Variants in PRPF38B observed in about 807,000 individuals in gnomAD.
The protein encoded by PRPF38B is pre-mRNA-splicing factor 38B.
Under a neutral mutation model 67.2 loss-of-function variants are expected in PRPF38B, and 18 were observed. That is an observed-to-expected ratio of 0.27 (90% CI 0.19 to 0.40). The LOEUF is 0.40. Among genes scored for constraint, PRPF38B ranks in the 10% least tolerant of loss-of-function variants. The pLI, the probability that PRPF38B is intolerant of heterozygous loss-of-function variation, is 1.00. For synonymous variants in PRPF38B, 246 were observed against 234.2 expected, an observed-to-expected ratio of 1.05 and a Z score of -0.46; for missense variants, 544 against 684.9, an observed-to-expected ratio of 0.79 and a Z score of 2.30.
In PRPF38B at chr1:108,699,406, C is replaced by T. The variant is rs1660210267; in HGVS notation, c.1027C>T (p.Arg343Cys). The change falls in exon 6 of 6, where the codon CGT (arginine) becomes TGT (cysteine). Residue 343 changes from arginine (R) to cysteine (C), a missense_variant. Arg to Cys is a radical substitution (Grantham distance 180). Transcript: ENST00000370025. The part of the protein sequence containing the change: ...RERHRSRSRS[R>C]DRKGDRRDRD... ...AAGGCATAGAAGTCGCAGTCGAAGTCGTGATAGGAAAGGGGATAGAAGGGA... is the reference window on the plus strand; with the variant it reads ...AAGGCATAGAAGTCGCAGTCGAAGTTGTGATAGGAAAGGGGATAGAAGGGA... The T allele has an allele frequency of 1.9e-6, 3 of 1,613,302 alleles. No individual in the cohort carries two copies. The highest frequency in any genetic ancestry group is 2.2e-5 in the East Asian group (1 of 44,842).
Position 108,699,520 on chromosome 1 carries a change from G to C in PRPF38B, c.1141G>C (p.Glu381Gln). The change falls in exon 6 of 6, where the codon GAG (glutamate) becomes CAG (glutamine). Residue 381 changes from glutamate to glutamine, a missense_variant. Physicochemically the swap from Glu to Gln is conservative, Grantham distance 29. Coordinates refer to ENST00000370025, the MANE Select transcript of PRPF38B (RefSeq NM_018061.4). The stretch of plus-strand genomic sequence containing the variant: ...GGAAAGAGGAAATGAACGAGAAAAA[G>C]AGAGAGAGCGATCAAGAGAAAGGTC... ...DKERGNEREK[E>Q]RERSRERSKE... The C allele has an allele frequency of 3.2e-6, 5 of 1,562,330 alleles. No individual in the cohort carries two copies. The highest frequency in any genetic ancestry group is 4.3e-6 in the Non-Finnish European group (5 of 1,153,122).
intron 4 of PRPF38B, chr1:108,696,557 A>C (rs968439819): frequency 1.6e-5 from 10 of 608,650 alleles, no homozygotes; most frequent in Admixed American, 3.2e-5. Context: ...AAATTGTTTA[A>C]ATGTGTTTGG....
At chr1:108,695,523 C>T (rs6703128) in intron 1 of PRPF38B, among the ~76,000 whole-genome samples, 179 bp from the exon 2 acceptor site, 37,613 of 152,052 alleles carry the variant, frequency 0.25, 6,820 homozygotes, top group African/African-American at 0.51. Flanking sequence ...TGGGTGCTGT[C>T]TAAATGTCTA....
In PRPF38B at chr1:108,692,324, G is replaced by A. The variant is rs1025333529; in HGVS notation, c.-268G>A. On this transcript the variant is annotated 5_prime_UTR_variant, in exon 1 of 6. Coordinates refer to ENST00000370025, the MANE Select transcript of PRPF38B (RefSeq NM_018061.4). ...CCGGGCCCGCCATCTTGTTCCCAGGGGCAGTTGGCGGAAGAGATCGAGCTC... is the reference window on the plus strand; with the variant it reads ...CCGGGCCCGCCATCTTGTTCCCAGGAGCAGTTGGCGGAAGAGATCGAGCTC... 2.1e-5 allele frequency: 11 copies of A among 513,784 alleles called. No homozygotes were observed. The highest frequency in any genetic ancestry group is 2.0e-4 in the African/African-American group (10 of 51,092). 31.8% of individuals were successfully genotyped at this position (513,784 alleles called of 1,614,324 possible).
In PRPF38B at chr1:108,692,532, C is replaced by T; in HGVS notation, c.-60C>T. 1.4e-6 allele frequency: 2 copies of T among 1,476,706 alleles called. No individual in the cohort carries two copies. Among genetic ancestry groups the T allele is most frequent in the Non-Finnish European group, 1.8e-6 (2 of 1,114,190 alleles). 91.5% of individuals were successfully genotyped at this position (1,476,706 alleles called of 1,614,324 possible). On this transcript the variant is annotated 5_prime_UTR_variant, in exon 1 of 6. Coordinates refer to ENST00000370025, the MANE Select transcript of PRPF38B (RefSeq NM_018061.4). ...GGTCCCAGACCGTTGTCCCGAAGAGCGAGATCGAGCTTGGCCCCCTCCCCC... is the reference window on the plus strand; with the variant it reads ...GGTCCCAGACCGTTGTCCCGAAGAGTGAGATCGAGCTTGGCCCCCTCCCCC...
intron 1 of PRPF38B, chr1:108,693,467 C>G (rs1432728546): frequency 3.3e-6 from 1 of 303,152 alleles, no homozygotes; most frequent in Non-Finnish European, 4.9e-6. Flanking sequence ...GTGCATTGGG[C>G]TAATTTAGAA....
At position 108,698,594 on chromosome 1, in the gene PRPF38B, G is replaced by A; in HGVS notation, c.559-10G>A. On this transcript the variant is annotated splice_polypyrimidine_tract_variant and intron_variant, in intron 4 of 5. Coordinates refer to ENST00000370025, the MANE Select transcript of PRPF38B (RefSeq NM_018061.4). Reference sequence around the variant, plus strand: ...TTTTGACGGCTAGGGTATCTTTTGTGTTTCTGTAGGACCTAGATGTGAAGG... The same window carrying A: ...TTTTGACGGCTAGGGTATCTTTTGTATTTCTGTAGGACCTAGATGTGAAGG... 1 of 1,572,466 alleles carries A rather than the reference G, an allele frequency of 6.4e-7. No homozygotes were observed.
chr1:108,693,106 A>G (rs541232123), intron 1 of PRPF38B, among the ~76,000 whole-genome samples: 3 of 152,214 alleles, frequency 2.0e-5, no homozygotes, highest in African/African-American at 4.8e-5. Flanking sequence ...TCCTCCCCCA[A>G]CCTCCTGCCC....
rs764129676 is a variant in PRPF38B at position 108,700,015 on chromosome 1, G to C, written c.1636G>C (p.Val546Leu). The change falls in exon 6 of 6, where the codon GTG becomes CTG. Residue 546 changes from valine (V) to leucine (L), a missense_variant. Coordinates refer to ENST00000370025, the MANE Select transcript of PRPF38B (RefSeq NM_018061.4). ...ACAGCATAAAAACAAAGATGAGACT[G>C]TGTGAAAATATTTTGTAAAAGTGGA... ...EKQHKNKDET[V>L] is the part of the protein sequence containing the mutation. 9.5e-6 allele frequency: 15 copies of C among 1,575,566 alleles called. No individual in the cohort carries two copies. In the East Asian group the frequency reaches 2.2e-4, roughly 24 times the overall value.
At position 108,702,792 on chromosome 1, in the gene PRPF38B, AATTTTT is replaced by A. The variant is rs1250259985; in HGVS notation, c.*2774_*2779del. On this transcript the variant is annotated 3_prime_UTR_variant, in exon 6 of 6. Transcript: ENST00000370025. ...CTGAACTTAAAGTATAATTTAAAAA[AATTTTT>A]AATACAGCTTAATAAGCATCCTCCA... Among the ~76,000 whole-genome samples the A allele has an allele frequency of 2.0e-5, 3 of 152,172 alleles. No individual in the cohort carries two copies. In the South Asian group the frequency reaches 6.2e-4, roughly 31 times the overall value.
rs1660499041 is a variant in PRPF38B, at chr1:108,701,523, T to C, written c.*1503T>C. 1 of 152,220 alleles carries C rather than the reference T, an allele frequency of 6.6e-6. No homozygotes were observed. Among genetic ancestry groups the C allele is most frequent in the Admixed American group, 6.5e-5 (1 of 15,284 alleles). 9.4% of individuals were successfully genotyped at this position (152,220 alleles called of 1,614,324 possible). A position where few individuals can be genotyped will look rare whatever the true frequency, so the allele number is the denominator to read the frequency against. ...TTGGACTTGAAATTCTTTAAGATAA[T>C]TCACCCAATTCTTTTTAGAAAAGAA... On this transcript the variant is annotated 3_prime_UTR_variant, in exon 6 of 6. Coordinates refer to ENST00000370025, the MANE Select transcript of PRPF38B (RefSeq NM_018061.4).
chr1:108,693,718 G>A, intron 1 of PRPF38B: 3 of 859,236 alleles, frequency 3.5e-6, no homozygotes, highest in Non-Finnish European at 4.2e-6. Flanking sequence ...AGATTTTTGT[G>A]GGTTTTTTTG....
intron 4 of PRPF38B, chr1:108,697,905 T>A (rs1434517645): frequency 6.6e-6 from 1 of 152,198 alleles, no homozygotes; most frequent in Non-Finnish European, 1.5e-5. Context: ...GTTTTCCTGT[T>A]TAGATAACAA....
At chr1:108,693,038 C>T (rs1659482183) in intron 1 of PRPF38B, among the ~76,000 whole-genome samples, 171 bp downstream of exon 1, 1 of 152,098 alleles carries the variant, frequency 6.6e-6, no homozygotes, top group African/African-American at 2.4e-5. Context: ...CTGGGGCCGC[C>T]CTCTCGTTTC....
At chr1:108,695,821 T>C in intron 2 of PRPF38B, 51 bp downstream of exon 2, 3 of 1,576,980 alleles carry the variant, frequency 1.9e-6, no homozygotes. Flanking sequence ...AATAACTAAG[T>C]TTATATTTAG....
At chr1:108,693,681 T>C in intron 1 of PRPF38B, 31 of 940,314 alleles carry the variant, frequency 3.3e-5, no homozygotes, top group Non-Finnish European at 3.9e-5. Flanking sequence ...CATAAATGCA[T>C]TTCCCTGGTT....
At chr1:108,696,987 G>T (rs1365189600) in intron 4 of PRPF38B, 4 of 526,882 alleles carry the variant, frequency 7.6e-6, no homozygotes. Context: ...AATCGTGTAT[G>T]CATTGGCTGG....
In PRPF38B at chr1:108,692,341, A is replaced by C. The variant is rs1659368799; in HGVS notation, c.-251A>C. 1.8e-6 allele frequency: 1 copy of C among 547,184 alleles called. No homozygotes were observed. Among genetic ancestry groups the C allele is most frequent in the Non-Finnish European group, 3.2e-6 (1 of 308,284 alleles). 33.9% of individuals were successfully genotyped at this position (547,184 alleles called of 1,614,324 possible). A position where few individuals can be genotyped will look rare whatever the true frequency, so the allele number is the denominator to read the frequency against. Reference sequence around the variant, plus strand: ...TTCCCAGGGGCAGTTGGCGGAAGAGATCGAGCTCCCTGGCTGCCGGCTCGC... The same window carrying C: ...TTCCCAGGGGCAGTTGGCGGAAGAGCTCGAGCTCCCTGGCTGCCGGCTCGC... On this transcript the variant is annotated 5_prime_UTR_variant, in exon 1 of 6. Coordinates refer to ENST00000370025, the MANE Select transcript of PRPF38B (RefSeq NM_018061.4).
At position 108,692,828 on chromosome 1, in the gene PRPF38B, C is replaced by G. The variant is rs761547050; in HGVS notation, c.237C>G (p.Leu79=). Residue 79 remains leucine, a synonymous_variant, in exon 1 of 6, where the codon CTC becomes CTG. Transcript: ENST00000370025. Reference sequence around the variant, plus strand: ...ACTTCAAAGTACAGCTCTACGAGCTCAAGACCTACCACGAGGTGGTGGACG... The same window carrying G: ...ACTTCAAAGTACAGCTCTACGAGCTGAAGACCTACCACGAGGTGGTGGACG... ...SPYFKVQLYE[L]KTYHEVVDEI... 1 of 1,614,220 alleles carries G rather than the reference C, an allele frequency of 6.2e-7. No homozygotes were observed. Among genetic ancestry groups the G allele is most frequent in the Non-Finnish European group, 8.5e-7 (1 of 1,180,040 alleles).
Sources: gnomAD v4.1 joint callset for allele counts (sites outside exome capture counted in the v4.1 genomes callset) on GRCh38, gnomAD v4.1.1 for gene constraint, MANE v1.5 for transcripts, NCBI Gene and HGNC (gene_info 2026-07-23, HGNC 2026-07-21) for gene names.